Variants in NRXN1 observed in about 807,000 individuals in gnomAD.
NRXN1 encodes the protein neurexin 1.
NRXN1 carries 39 observed loss-of-function variants against 150.9 expected under a neutral mutation model. The ratio of observed to expected loss-of-function variants is 0.26; its 90% confidence interval spans 0.20 to 0.34. The LOEUF (loss-of-function observed/expected upper bound fraction) is 0.34, where lower values mean the gene tolerates loss of function less well. NRXN1 is among the 10% of genes least tolerant of loss of function. NRXN1 has a pLI of 1.00. For synonymous variants in NRXN1, 924 were observed against 757.0 expected (o/e 1.22, Z -3.62); for missense variants, 1,815 against 1,949.9 (o/e 0.93, Z 1.30).
chr2:50,046,959 T>G (rs1160115503), intron 21 of NRXN1, among the ~76,000 whole-genome samples: 2 of 152,206 alleles, frequency 1.3e-5, no homozygotes, highest in Admixed American at 6.5e-5. Flanking sequence ...ACACTTACTG[T>G]GTGACCTTCG....
chr2:50,397,608 C>T (rs1235348858), intron 17 of NRXN1, among the ~76,000 whole-genome samples: 1 of 152,040 alleles, frequency 6.6e-6, no homozygotes, highest in African/African-American at 2.4e-5. Context: ...CCTAATGTTT[C>T]TCTCTTTTTT....
intron 2 of NRXN1, among the ~76,000 whole-genome samples, chr2:50,928,405 C>T (rs1366450294): frequency 3.9e-5 from 6 of 151,900 alleles, no homozygotes; most frequent in Non-Finnish European, 7.4e-5. Context: ...TATCCATTTG[C>T]TAACTTTACA....
chr2:50,241,172 C>G (rs570054225), intron 17 of NRXN1, among the ~76,000 whole-genome samples: 13 of 151,246 alleles, frequency 8.6e-5, no homozygotes, highest in African/African-American at 3.1e-4. Flanking sequence ...AGAATATTAG[C>G]TCATCACCAT....
At chr2:50,829,071 A>G (rs545698591) in intron 5 of NRXN1, among the ~76,000 whole-genome samples, 1 of 152,312 alleles carries the variant, frequency 6.6e-6, no homozygotes, top group East Asian at 1.9e-4. Flanking sequence ...CACCAAAAAA[A>G]TACGAAAACC....
chr2:49,924,102 A>C (rs749674400), intron 22 of NRXN1, among the ~76,000 whole-genome samples: 7 of 152,218 alleles, frequency 4.6e-5, no homozygotes, highest in Non-Finnish European at 1.0e-4. Context: ...ATCTTTGCCA[A>C]AGTGTGCCAA....
intron 5 of NRXN1, among the ~76,000 whole-genome samples, chr2:50,865,742 T>G (rs1335845246): frequency 7.0e-6 from 1 of 143,600 alleles, no homozygotes; most frequent in Non-Finnish European, 1.5e-5. Flanking sequence ...CATTTGATAG[T>G]TTTTTTTTGG....
intron 10 of NRXN1, among the ~76,000 whole-genome samples, chr2:50,535,796 A>G (rs1306363219): frequency 4.6e-5 from 7 of 152,172 alleles, no homozygotes; most frequent in Non-Finnish European, 8.8e-5. Context: ...CATGATAAAC[A>G]TCTCCTATAA....
chr2:50,228,941 G>C (rs370652227), intron 18 of NRXN1, among the ~76,000 whole-genome samples: 1 of 151,878 alleles, frequency 6.6e-6, no homozygotes, highest in African/African-American at 2.4e-5. Context: ...CTGTGTTGTC[G>C]ATATAAGAAT....
At chr2:50,201,216 AT>A (rs1028937374) in intron 18 of NRXN1, among the ~76,000 whole-genome samples, 2 of 152,214 alleles carry the variant, frequency 1.3e-5, no homozygotes, top group African/African-American at 4.8e-5. Flanking sequence ...AATGAGGAGC[AT>A]AAAAAACACA....
Position 50,532,532 on chromosome 2 carries a change from T to G in NRXN1, c.2144-1102A>C, listed in dbSNP as rs577712307. ...GGCTTCCTTTTAAGGAACTGTTACT[T>G]CCTTTTAAGATTAATTTATAGAAGG... is the stretch of plus-strand genomic sequence containing the variant. On this transcript the variant is annotated intron_variant, in intron 10 of 22. Coordinates refer to ENST00000401669, the MANE Select transcript of NRXN1 (RefSeq NM_001330078.2). Among the ~76,000 whole-genome samples, 6 of 152,288 alleles carry G rather than the reference T, an allele frequency of 3.9e-5. No individual in the cohort carries two copies. In the South Asian group the frequency reaches 1.2e-3, roughly 32 times the overall value.
At chr2:50,570,088 C>T (rs993156584) in intron 8 of NRXN1, among the ~76,000 whole-genome samples, 3 of 152,168 alleles carry the variant, frequency 2.0e-5, no homozygotes, top group Admixed American at 1.3e-4. Flanking sequence ...AATAAAATCT[C>T]TAATGCCTCT....
intron 12 of NRXN1, 41 bp from the exon 13 acceptor site, chr2:50,506,658 CA>C: frequency 6.2e-7 from 1 of 1,603,214 alleles, no homozygotes. Flanking sequence ...CACTCAGAAT[CA>C]GTCAAGCAAA....
intron 18 of NRXN1, among the ~76,000 whole-genome samples, chr2:50,215,642 T>C (rs538201919): frequency 1.3e-5 from 2 of 152,180 alleles, no homozygotes; most frequent in South Asian, 4.1e-4. Context: ...TCTGTACCTT[T>C]TGAAGTTGTT....
At chr2:50,287,389 T>C (rs530379583) in intron 17 of NRXN1, among the ~76,000 whole-genome samples, 2 of 152,230 alleles carry the variant, frequency 1.3e-5, no homozygotes, top group South Asian at 2.1e-4. Flanking sequence ...CACAAATGGA[T>C]AGGAGACTAA....
chr2:50,128,244 A>G (rs950325697), intron 18 of NRXN1, among the ~76,000 whole-genome samples: 18 of 152,204 alleles, frequency 1.2e-4, no homozygotes, highest in African/African-American at 4.3e-4. Context: ...ACTAGGGCAA[A>G]GCATGGAGGA....
In NRXN1 at chr2:50,977,661, CT is replaced by C. The variant is rs1293087991; in HGVS notation, c.772+49840del. Among the ~76,000 whole-genome samples, 6 of 152,002 alleles carry C rather than the reference CT, an allele frequency of 3.9e-5. No individual in the cohort carries two copies. In the East Asian group the frequency reaches 9.6e-4, roughly 24 times the overall value. The stretch of plus-strand genomic sequence containing the variant: ...AAACACACTCCTACCCTCTACTGAC[CT>C]ATTTTCTAGACTCTAAGTCAGAGTA... On this transcript the variant is annotated intron_variant, in intron 2 of 22. Transcript: ENST00000401669.
chr2:50,349,897 A>G (rs2078290655), intron 17 of NRXN1, among the ~76,000 whole-genome samples: 1 of 152,194 alleles, frequency 6.6e-6, no homozygotes, highest in African/African-American at 2.4e-5. Context: ...TTTCCTCCCC[A>G]AATAAATGGT....
chr2:50,433,597 G>T (rs1156913542), intron 17 of NRXN1, among the ~76,000 whole-genome samples: 2 of 149,916 alleles, frequency 1.3e-5, no homozygotes, highest in Admixed American at 6.7e-5. Flanking sequence ...TTCCCAGGGA[G>T]TTATGGGCAG....
At chr2:50,902,358 G>C (rs768338396) in intron 5 of NRXN1, among the ~76,000 whole-genome samples, 2 of 146,380 alleles carry the variant, frequency 1.4e-5, no homozygotes, top group African/African-American at 5.0e-5. Flanking sequence ...AATAGAAGAA[G>C]AACAAAAACA....
Sources: gnomAD v4.1 joint callset for allele counts (sites outside exome capture counted in the v4.1 genomes callset) on GRCh38, gnomAD v4.1.1 for gene constraint, MANE v1.5 for transcripts, NCBI Gene and HGNC (gene_info 2026-07-23, HGNC 2026-07-21) for gene names.